The following CIMAP2 variants were observed in gnomAD, a reference collection of about 807,000 sequenced individuals.
CIMAP2 encodes the protein ciliary microtubule-associated protein 2.
the CIMAP2 span, among the ~76,000 whole-genome samples, chr1:54,809,391 C>A: frequency 6.6e-6 from 1 of 152,152 alleles, no homozygotes; most frequent in Admixed American, 6.5e-5. Flanking sequence ...GTAACTGTAC[C>A]TTAGGGAGAG....
chr1:54,826,155 G>A, the CIMAP2 span, among the ~76,000 whole-genome samples: 6 of 152,228 alleles, frequency 3.9e-5, no homozygotes, highest in African/African-American at 1.4e-4. Flanking sequence ...AGGTAGGGTG[G>A]GCCTGTCCTC....
chr1:54,835,419 C>T, the CIMAP2 span, among the ~76,000 whole-genome samples: 1 of 152,024 alleles, frequency 6.6e-6, no homozygotes, highest in Non-Finnish European at 1.5e-5. Flanking sequence ...AAACTCCTGG[C>T]CTCAAGTGAT....
the CIMAP2 span, among the ~76,000 whole-genome samples, chr1:54,823,171 G>A: frequency 1.3e-5 from 2 of 152,100 alleles, 1 homozygote; most frequent in East Asian, 3.8e-4. Context: ...GTGGGGTCTT[G>A]TCTACAACTA....
chr1:54,841,716 C>A, the CIMAP2 span: 1 of 1,592,916 alleles, frequency 6.3e-7, no homozygotes, highest in Non-Finnish European at 8.6e-7. Flanking sequence ...CCTGTTCATT[C>A]CCTATGGGTG....
chr1:54,837,402 G>A, the CIMAP2 span, among the ~76,000 whole-genome samples: 6 of 152,082 alleles, frequency 3.9e-5, no homozygotes, highest in Middle Eastern at 3.2e-3. Context: ...TAGCTGTGTG[G>A]CCCTGAGCTA....
the CIMAP2 span, chr1:54,817,119 T>C: frequency 1.2e-6 from 2 of 1,613,992 alleles, no homozygotes; most frequent in Non-Finnish European, 1.7e-6. Flanking sequence ...GACATGCTCA[T>C]GCAGTGAGTG....
At chr1:54,814,564 G>T in the CIMAP2 span, among the ~76,000 whole-genome samples, 1 of 152,242 alleles carries the variant, frequency 6.6e-6, no homozygotes, top group Non-Finnish European at 1.5e-5. Flanking sequence ...AGTTTCTCCA[G>T]CAAGGGTGAG....
chr1:54,808,120 A>T, the CIMAP2 span: 1 of 1,245,118 alleles, frequency 8.0e-7, no homozygotes, highest in Non-Finnish European at 1.1e-6. Context: ...AGGAATAAGG[A>T]TTAAGCACCT....
chr1:54,806,217 ACAGGTG>A, the CIMAP2 span: 1 of 1,533,114 alleles, frequency 6.5e-7, no homozygotes, highest in Non-Finnish European at 8.7e-7. Context: ...GTGCAGAGCC[ACAGGTG>A]GGGCCCGTTT....
At chr1:54,833,193 G>A in the CIMAP2 span, among the ~76,000 whole-genome samples, 6 of 152,130 alleles carry the variant, frequency 3.9e-5, no homozygotes, top group African/African-American at 1.4e-4. Flanking sequence ...AAAGCAATGC[G>A]AAGGGTGACT....
the CIMAP2 span, among the ~76,000 whole-genome samples, chr1:54,832,005 C>G: frequency 0.043 from 6,492 of 152,300 alleles, 407 homozygotes; most frequent in East Asian, 0.18. Flanking sequence ...TGCCACCACG[C>G]CCAACTAATT....
At chr1:54,814,918 C>T in the CIMAP2 span, 3 of 1,614,190 alleles carry the variant, frequency 1.9e-6, no homozygotes, top group East Asian at 2.2e-5. Context: ...TCGTAGGCCA[C>T]ATCTGGCCCC....
At chr1:54,811,766 C>CCGGGGGGGGGGGGGGGGGGG in the CIMAP2 span, 1 of 1,305,188 alleles carries the variant, frequency 7.7e-7, no homozygotes, top group Non-Finnish European at 1.1e-6. Context: ...GTTCTGACAG[C>CCGGGGGGGGGGGGGGGGGGG]CTCCATGCCC....
the CIMAP2 span, among the ~76,000 whole-genome samples, chr1:54,817,560 A>G: frequency 6.6e-6 from 1 of 152,182 alleles, no homozygotes; most frequent in Non-Finnish European, 1.5e-5. Flanking sequence ...AAGGTTGCAA[A>G]GCCTAAGAAG....
the CIMAP2 span, among the ~76,000 whole-genome samples, chr1:54,811,014 G>A: frequency 0.2 from 30,490 of 152,062 alleles, 3,162 homozygotes; most frequent in East Asian, 0.32. Context: ...TGGGCTCCTC[G>A]CTGCTCCCCA....
chr1:54,807,192 C>A, the CIMAP2 span: 1 of 1,218,220 alleles, frequency 8.2e-7, no homozygotes, highest in African/African-American at 1.5e-5. Context: ...TACTTTCTAC[C>A]TTCTTCCAGC....
chr1:54,812,089 T>C, the CIMAP2 span: 1 of 1,614,128 alleles, frequency 6.2e-7, no homozygotes. Flanking sequence ...AAAAGCGACC[T>C]TGAGACATAT....
chr1:54,820,335 T>C, the CIMAP2 span, among the ~76,000 whole-genome samples: 1 of 151,896 alleles, frequency 6.6e-6, no homozygotes, highest in Non-Finnish European at 1.5e-5. Flanking sequence ...ACCTGGCTAA[T>C]TGAAAAAGTT....
the CIMAP2 span, among the ~76,000 whole-genome samples, chr1:54,831,944 T>A: frequency 1.3e-5 from 2 of 152,354 alleles, no homozygotes; most frequent in South Asian, 4.1e-4. Context: ...CCTCCCGGCC[T>A]CGAGCAATCC....
Sources: allele counts gnomAD v4.1 joint callset (sites outside exome capture counted in the v4.1 genomes callset), GRCh38; gene constraint gnomAD v4.1.1; transcripts MANE v1.5; gene names NCBI Gene and HGNC (gene_info 2026-07-23, HGNC 2026-07-21).